The following SGCD variants were observed in gnomAD, a reference collection of about 807,000 sequenced individuals.
SGCD encodes sarcoglycan delta, also known as delta-sarcoglycan.
SGCD carries 18 observed loss-of-function variants against 36.6 expected under a neutral mutation model. The observed-to-expected ratio is 0.49, with a 90% CI of 0.34 to 0.73. The LOEUF is 0.73. SGCD is among the 30% of genes least tolerant of loss of function. SGCD has a pLI of 0.01. For synonymous variants in SGCD, 133 were observed against 130.6 expected, an observed-to-expected ratio of 1.02 and a Z score of -0.12; for missense variants, 387 against 346.7, an observed-to-expected ratio of 1.12 and a Z score of -0.92.
intron 4 of SGCD, among the ~76,000 whole-genome samples, chr5:156,512,148 C>G (rs147205086): frequency 2.2e-5 from 3 of 135,968 alleles, no homozygotes; most frequent in Non-Finnish European, 1.5e-5. Flanking sequence ...GAGCTGAGAT[C>G]GTGCCACTGC....
chr5:156,660,270 T>C (rs1763858363), intron 7 of SGCD, among the ~76,000 whole-genome samples: 2 of 152,040 alleles, frequency 1.3e-5, no homozygotes, highest in African/African-American at 4.8e-5. Context: ...AATGGAAATA[T>C]TTATCATCAT....
chr5:156,654,821 A>G (rs1037679168), intron 7 of SGCD, among the ~76,000 whole-genome samples: 6 of 152,150 alleles, frequency 3.9e-5, no homozygotes, highest in African/African-American at 1.4e-4. Flanking sequence ...GCCTTCACCT[A>G]ATTTTCTCCA....
In SGCD at chr5:156,375,835, GT is replaced by G. The variant is rs536327310; in HGVS notation, c.192+31161del. Among the ~76,000 whole-genome samples, 43 of 152,072 alleles carry G rather than the reference GT, an allele frequency of 2.8e-4. No individual in the cohort carries two copies. In the South Asian group the frequency reaches 8.3e-3, roughly 29 times the overall value. ...TGAAGCCCTCATCTACCTATACAGA[GT>G]TTATTTTGGAAACTCTGCTATATTT... On this transcript the variant is annotated intron_variant, in intron 3 of 8. Coordinates refer to ENST00000337851, the MANE Select transcript of SGCD (RefSeq NM_000337.6).
intron 7 of SGCD, among the ~76,000 whole-genome samples, chr5:156,737,100 G>A (rs1207268809): frequency 6.6e-6 from 1 of 152,098 alleles, no homozygotes; most frequent in East Asian, 1.9e-4. Flanking sequence ...CATTTAAAAT[G>A]ATATATATTA....
chr5:155,966,935 ATGTGTG>A (rs145801010), intron 1 of SGCD, among the ~76,000 whole-genome samples: 2 of 148,184 alleles, frequency 1.3e-5, no homozygotes, highest in South Asian at 2.2e-4. Flanking sequence ...ATAGGTTTTC[ATGTGTG>A]TGTGTGTGTG....
At chr5:155,765,018 C>G in the SGCD span, among the ~76,000 whole-genome samples, 1 of 152,022 alleles carries the variant, frequency 6.6e-6, no homozygotes, top group Non-Finnish European at 1.5e-5. Flanking sequence ...GTCTAAGATG[C>G]GTGTAATCTC....
At chr5:156,367,761 G>A (rs1770181113) in intron 3 of SGCD, among the ~76,000 whole-genome samples, 1 of 152,146 alleles carries the variant, frequency 6.6e-6, no homozygotes, top group Admixed American at 6.5e-5. Flanking sequence ...GCTCAGCCTC[G>A]CTGATGACTA....
chr5:155,960,841 G>A (rs1046354076), intron 1 of SGCD, among the ~76,000 whole-genome samples: 10 of 152,188 alleles, frequency 6.6e-5, no homozygotes, highest in Middle Eastern at 3.4e-3. Flanking sequence ...CTCTGCCAGC[G>A]TGCTGAAACT....
intron 3 of SGCD, among the ~76,000 whole-genome samples, chr5:156,465,100 A>T (rs187684667): frequency 6.6e-6 from 1 of 152,070 alleles, no homozygotes; most frequent in Non-Finnish European, 1.5e-5. Flanking sequence ...GGCGTGTATG[A>T]TTACCAGAGG....
intron 7 of SGCD, among the ~76,000 whole-genome samples, chr5:156,678,751 G>C (rs999615502): frequency 6.6e-6 from 1 of 152,174 alleles, no homozygotes; most frequent in South Asian, 2.1e-4. Flanking sequence ...GGAAGTATAC[G>C]TGAGCAATTG....
intron 3 of SGCD, among the ~76,000 whole-genome samples, chr5:156,502,653 A>G (rs1163356842): frequency 6.6e-6 from 1 of 152,188 alleles, no homozygotes; most frequent in Non-Finnish European, 1.5e-5. Context: ...AATCTTCTAA[A>G]TACCTCTTTT....
the SGCD span, among the ~76,000 whole-genome samples, chr5:155,816,192 G>A: frequency 2.6e-5 from 4 of 152,010 alleles, no homozygotes; most frequent in African/African-American, 7.2e-5. Context: ...CAATTACAGT[G>A]GTCTTTAATT....
chr5:156,425,642 A>C (rs1322283437), intron 3 of SGCD, among the ~76,000 whole-genome samples: 1 of 150,810 alleles, frequency 6.6e-6, no homozygotes, highest in African/African-American at 2.4e-5. Flanking sequence ...GATTTCTGAG[A>C]TTTTGGTGCA....
intron 1 of SGCD, among the ~76,000 whole-genome samples, chr5:156,030,068 A>G (rs1364225438): frequency 6.6e-6 from 1 of 152,212 alleles, no homozygotes; most frequent in East Asian, 1.9e-4. Context: ...GCTTAGTTAC[A>G]TTCTACTTTA....
chr5:156,185,616 T>C (rs1763723953), intron 3 of SGCD, among the ~76,000 whole-genome samples: 1 of 151,720 alleles, frequency 6.6e-6, no homozygotes, highest in South Asian at 2.1e-4. Context: ...CAGTTAGTTG[T>C]CTGATATGTA....
chr5:156,573,255 G>A (rs562721310), intron 4 of SGCD, among the ~76,000 whole-genome samples: 71 of 152,256 alleles, frequency 4.7e-4, no homozygotes, highest in Non-Finnish European at 9.3e-4. Context: ...ATGAGCCTGG[G>A]ATCCAGGTCA....
intron 3 of SGCD, among the ~76,000 whole-genome samples, chr5:156,300,442 T>C (rs1767023759): frequency 6.6e-6 from 1 of 152,106 alleles, no homozygotes; most frequent in South Asian, 2.1e-4. Flanking sequence ...ATTCCTCTTG[T>C]AATTGATTTC....
intron 1 of SGCD, among the ~76,000 whole-genome samples, chr5:155,899,482 C>A (rs1462348279): frequency 1.3e-5 from 2 of 152,160 alleles, no homozygotes; most frequent in African/African-American, 4.8e-5. Flanking sequence ...TCAGCTGTAA[C>A]CTTTTCCTTG....
intron 3 of SGCD, among the ~76,000 whole-genome samples, chr5:156,167,001 A>G (rs1392784130): frequency 6.6e-6 from 1 of 151,694 alleles, no homozygotes; most frequent in Non-Finnish European, 1.5e-5. Context: ...CTTTCTTCCT[A>G]CTTCCTTCTG....
Sources: allele counts gnomAD v4.1 joint callset (sites outside exome capture counted in the v4.1 genomes callset), GRCh38; gene constraint gnomAD v4.1.1; transcripts MANE v1.5; gene names NCBI Gene and HGNC (gene_info 2026-07-23, HGNC 2026-07-21).